CTNNA1: variants seen among roughly 807,000 people sequenced by gnomAD.
The protein encoded by CTNNA1 is catenin alpha 1, also known as catenin alpha-1.
A neutral mutation model predicts 98.4 loss-of-function variants in CTNNA1; 37 were observed. The ratio of observed to expected loss-of-function variants is 0.38; its 90% CI spans 0.29 to 0.49. The LOEUF is 0.49. CTNNA1 is among the 20% of genes least tolerant of loss of function. CTNNA1 has a pLI of 0.95. For synonymous variants in CTNNA1, 404 were observed against 413.2 expected (o/e 0.98, Z 0.27); for missense variants, 761 against 1,147.2 (o/e 0.66, Z 4.86).
At position 138,824,726 on chromosome 5, in the gene CTNNA1, C is replaced by G; in HGVS notation, c.785C>G (p.Thr262Ser). 1.2e-6 allele frequency: 2 copies of G among 1,614,246 alleles called. No homozygotes were observed. The highest frequency in any genetic ancestry group is 1.7e-4 in the Middle Eastern group (1 of 6,060). Residue 262 changes from threonine to serine, a missense_variant, in exon 6 of 18, where the codon ACT becomes AGT. Physicochemically the swap from Thr to Ser is moderately conservative, Grantham distance 58. Coordinates refer to ENST00000302763, the MANE Select transcript of CTNNA1 (RefSeq NM_001903.5). ...VTGISNAAQATASDDASQHQG... is the reference protein window; with the variant it reads ...VTGISNAAQASASDDASQHQG... ...GGCATTTCCAATGCAGCCCAGGCCA[C>G]TGCCTCAGACGATGCCTCACAGCAC... is the stretch of plus-strand genomic sequence containing the variant.
At chr5:138,901,509 C>T (rs1439496354) in intron 9 of CTNNA1, among the ~76,000 whole-genome samples, 3 of 152,112 alleles carry the variant, frequency 2.0e-5, no homozygotes, top group African/African-American at 7.2e-5. Context: ...GCTGCAGCCT[C>T]GACCTTCTGG....
chr5:138,798,788 T>G (rs1757238107), intron 3 of CTNNA1, among the ~76,000 whole-genome samples: 2 of 152,256 alleles, frequency 1.3e-5, no homozygotes, highest in African/African-American at 2.4e-5. Flanking sequence ...TTGAGCTCTC[T>G]TAAGTTTCAT....
intron 9 of CTNNA1, among the ~76,000 whole-genome samples, chr5:138,903,792 T>C (rs1428708988): frequency 1.3e-5 from 2 of 152,228 alleles, no homozygotes; most frequent in South Asian, 2.1e-4. Context: ...TGATCATGAT[T>C]GCCTTTGGTC....
rs763452610 is a variant in CTNNA1, at chr5:138,874,113, G to C, written c.1063-12099G>C. 2 of 1,613,720 alleles carry C rather than the reference G, an allele frequency of 1.2e-6. No individual in the cohort carries two copies. The highest frequency in any genetic ancestry group is 2.2e-5 in the South Asian group (2 of 91,060). ...TTCCGAAGGCCATAGAAGAGCTCTG[G>C]GTGCAGAGATGACAGCTGATTAAAA... On this transcript the variant is annotated intron_variant, in intron 7 of 17. Coordinates refer to ENST00000302763, the MANE Select transcript of CTNNA1 (RefSeq NM_001903.5). The surrounding 1 kb of genome is among the most constrained non-coding windows in gnomAD (Gnocchi z 4.1).
chr5:138,852,540 G>A (rs1195746438), intron 7 of CTNNA1, among the ~76,000 whole-genome samples: 1 of 151,758 alleles, frequency 6.6e-6, no homozygotes, highest in Non-Finnish European at 1.5e-5. Flanking sequence ...TTCAGTTACA[G>A]TTTCTTCCTA....
At chr5:138,877,606 C>T (rs185660178) in intron 7 of CTNNA1, among the ~76,000 whole-genome samples, 8,251 of 152,058 alleles carry the variant, frequency 0.054, 328 homozygotes, top group South Asian at 0.15. Flanking sequence ...CGCCACCACG[C>T]CCGGCTAATT....
chr5:138,890,916 T>C (rs1349333688), intron 9 of CTNNA1, among the ~76,000 whole-genome samples: 1 of 152,126 alleles, frequency 6.6e-6, no homozygotes, highest in Non-Finnish European at 1.5e-5. Context: ...CCAGACAAAT[T>C]ATATAATACC....
chr5:138,875,635 G>A (rs1751312990), intron 7 of CTNNA1: 1 of 985,436 alleles, frequency 1.0e-6, no homozygotes, highest in Non-Finnish European at 1.2e-6. Context: ...TTTAATGCTT[G>A]TGAGAGCCAG....
intron 7 of CTNNA1, among the ~76,000 whole-genome samples, chr5:138,884,630 A>G (rs543041031): frequency 2.8e-4 from 42 of 152,276 alleles, no homozygotes; most frequent in African/African-American, 7.9e-4. Flanking sequence ...TATTGCTACA[A>G]ATAATCTGCT....
chr5:138,849,554 T>C (rs2149839853), intron 7 of CTNNA1, among the ~76,000 whole-genome samples: 1 of 152,322 alleles, frequency 6.6e-6, no homozygotes. Context: ...AAAATCTTAT[T>C]AGGAAAATCT....
At chr5:138,883,047 G>C (rs1753275384) in intron 7 of CTNNA1, among the ~76,000 whole-genome samples, 1 of 152,026 alleles carries the variant, frequency 6.6e-6, no homozygotes, top group African/African-American at 2.4e-5. Flanking sequence ...ATATTGGTCA[G>C]GCTGAAACCA....
chr5:138,807,680 T>G (rs1038699089), intron 3 of CTNNA1, among the ~76,000 whole-genome samples: 9 of 152,122 alleles, frequency 5.9e-5, no homozygotes, highest in Non-Finnish European at 1.2e-4. Context: ...GAAGTTCTGC[T>G]TATTATATAG....
intron 1 of CTNNA1, among the ~76,000 whole-genome samples, chr5:138,758,028 T>TG: frequency 6.6e-6 from 1 of 151,990 alleles, no homozygotes. Flanking sequence ...TTTTTTGAGA[T>TG]GGAGTTTTGC....
chr5:138,899,689 C>G (rs1757608309), intron 9 of CTNNA1, among the ~76,000 whole-genome samples: 1 of 152,200 alleles, frequency 6.6e-6, no homozygotes, highest in African/African-American at 2.4e-5. Context: ...CTGCAAAACC[C>G]CCCACCACCC....
At chr5:138,804,008 A>C (rs887670396) in intron 3 of CTNNA1, among the ~76,000 whole-genome samples, 1 of 152,240 alleles carries the variant, frequency 6.6e-6, no homozygotes, top group African/African-American at 2.4e-5. Context: ...GATGAAACAC[A>C]ATGAAGACCT....
chr5:138,832,526 T>C (rs1263947854), intron 7 of CTNNA1, among the ~76,000 whole-genome samples: 2 of 152,160 alleles, frequency 1.3e-5, no homozygotes, highest in Non-Finnish European at 2.9e-5. Context: ...GGTTTAAAAG[T>C]GAATGGATTG....
At position 138,781,910 on chromosome 5, in the gene CTNNA1, G is replaced by C; in HGVS notation, c.-2-13G>C. 1 of 1,569,404 alleles carries C rather than the reference G, an allele frequency of 6.4e-7. No individual in the cohort carries two copies. Among genetic ancestry groups the C allele is most frequent in the Non-Finnish European group, 8.6e-7 (1 of 1,167,180 alleles). ...TTGATGTTTGCCTGACTGACTTTTT[G>C]TTTCTTATTTAGAAATGACTGCTGT... On this transcript the variant is annotated splice_polypyrimidine_tract_variant and intron_variant, in intron 1 of 17. Transcript: ENST00000302763.
At chr5:138,802,839 G>A (rs887144271) in intron 3 of CTNNA1, among the ~76,000 whole-genome samples, 8 of 152,168 alleles carry the variant, frequency 5.3e-5, no homozygotes, top group Non-Finnish European at 8.8e-5. Flanking sequence ...TTGCGCTGGA[G>A]TGGTCTGGAG....
chr5:138,866,299 TTTATTTATTTA>T (rs1764772799), intron 7 of CTNNA1, among the ~76,000 whole-genome samples: 2 of 148,360 alleles, frequency 1.3e-5, no homozygotes, highest in African/African-American at 5.1e-5. Context: ...TATTTATTTA[TTTATTTATTTA>T]TTTATTTATT....
Sources: gnomAD v4.1 joint callset for allele counts (sites outside exome capture counted in the v4.1 genomes callset) on GRCh38, gnomAD v4.1.1 for gene constraint, Gnocchi (gnomAD v3.1) non-coding constraint, MANE v1.5 for transcripts, NCBI Gene and HGNC (gene_info 2026-07-23, HGNC 2026-07-21) for gene names.